Variants in TNFSF9 observed in about 807,000 individuals in gnomAD.
TNFSF9 encodes TNF superfamily member 9, also known as tumor necrosis factor ligand superfamily member 9.
A neutral mutation model predicts 10.3 loss-of-function variants in TNFSF9; 10 were observed. The ratio of observed to expected loss-of-function variants is 0.97; its 90% confidence interval spans 0.60 to 1.65. TNFSF9 has a LOEUF of 1.65. TNFSF9 is among the 40% of genes most tolerant of loss of function. The pLI is 0.00. For missense variants in TNFSF9, 361 were observed against 348.9 expected (o/e 1.03, Z -0.28); for synonymous variants, 195 against 176.1 (o/e 1.11, Z -0.85).
At position 6,535,144 on chromosome 19, in the gene TNFSF9, C is replaced by A; in HGVS notation, c.*78C>A. 1 of 1,402,702 alleles carries A rather than the reference C, an allele frequency of 7.1e-7. No individual in the cohort carries two copies. The highest frequency in any genetic ancestry group is 1.5e-5 in the South Asian group (1 of 65,954). The allele number at this position is 1,402,702 out of a possible 1,614,324, so 86.9% of individuals were successfully genotyped here. Reference sequence around the variant, plus strand: ...TTCATGGAGACCCCTGGTGCTGGGTCCCTGCTGCTTTCTCTACCTCAAGGG... The same window carrying A: ...TTCATGGAGACCCCTGGTGCTGGGTACCTGCTGCTTTCTCTACCTCAAGGG... On this transcript the variant is annotated 3_prime_UTR_variant, in exon 3 of 3. Transcript: ENST00000245817.
Position 6,535,898 on chromosome 19 carries a change from T to G in TNFSF9, c.*832T>G. ...AAGGTTGTTTACATGCCAGTACAAT[T>G]TATAATAAACACTCATTTTTCCTCC... is the stretch of plus-strand genomic sequence containing the variant. On this transcript the variant is annotated 3_prime_UTR_variant, in exon 3 of 3. Transcript: ENST00000245817. The G allele has an allele frequency of 6.6e-6, 1 of 152,156 alleles. No homozygotes were observed. The highest frequency in any genetic ancestry group is 2.1e-4 in the South Asian group (1 of 4,824). 9.4% of individuals were successfully genotyped at this position (152,156 alleles called of 1,614,324 possible).
intron 1 of TNFSF9, 33 bp from the exon 2 acceptor site, chr19:6,532,753 C>T: frequency 6.2e-7 from 1 of 1,613,716 alleles, no homozygotes; most frequent in Non-Finnish European, 8.5e-7. Context: ...TAGGGGAACC[C>T]CCATCCACTT....
chr19:6,534,133 G>A (rs1315159093), intron 2 of TNFSF9, among the ~76,000 whole-genome samples: 3 of 62,098 alleles, frequency 4.8e-5, no homozygotes, highest in Non-Finnish European at 6.3e-5. Context: ...CCCCCTCACC[G>A]CCCTCTCCAG....
Position 6,531,068 on chromosome 19 carries a change from C to G in TNFSF9, c.32C>G (p.Pro11Arg). Residue 11 changes from proline (P) to arginine (R), a missense_variant, in exon 1 of 3, where the codon CCC becomes CGC. Transcript: ENST00000245817. MEYASDASLD[P>R]EAPWPPAPRA... ...TACGCCTCTGACGCTTCACTGGACC[C>G]CGAAGCCCCGTGGCCTCCCGCGCCC... The G allele has an allele frequency of 1.2e-6, 2 of 1,611,204 alleles. No individual in the cohort carries two copies. The highest frequency in any genetic ancestry group is 1.7e-6 in the Non-Finnish European group (2 of 1,179,124).
chr19:6,534,995 G>C lies in TNFSF9; in HGVS notation c.694G>C (p.Ala232Pro). 1 of 1,609,718 alleles carries C rather than the reference G, an allele frequency of 6.2e-7. No individual in the cohort carries two copies. Among genetic ancestry groups the C allele is most frequent in the South Asian group, 1.1e-5 (1 of 90,788 alleles). Residue 232 changes from alanine (A) to proline (P), a missense_variant, in exon 3 of 3, where the codon GCC becomes CCC. Physicochemically the swap from Ala to Pro is conservative, Grantham distance 27. Transcript: ENST00000245817. Reference protein sequence around the residue: ...ARHAWQLTQGATVLGLFRVTP... With the variant: ...ARHAWQLTQGPTVLGLFRVTP... ...CCATGCCTGGCAGCTTACCCAGGGC[G>C]CCACAGTCTTGGGACTCTTCCGGGT... is the stretch of plus-strand genomic sequence containing the variant.
Position 6,534,859 on chromosome 19 carries a change from A to ACCCGCCT in TNFSF9, c.561_567dup (p.Ser190ArgfsTer32). Reference sequence around the variant, plus strand: ...CCCTGGCTTTGACCGTGGACCTGCCACCCGCCTCCTCCGAGGCTCGGAACT... The same window carrying ACCCGCCT: ...CCCTGGCTTTGACCGTGGACCTGCCACCCGCCTCCCGCCTCCTCCGAGGCTCGGAACT... On this transcript the variant is annotated frameshift_variant, in exon 3 of 3. Coordinates refer to ENST00000245817, the MANE Select transcript of TNFSF9 (RefSeq NM_003811.4). LOFTEE classifies it low-confidence loss of function (END_TRUNC). 6.2e-7 allele frequency: 1 copy of ACCCGCCT among 1,606,352 alleles called. No individual in the cohort carries two copies. Among genetic ancestry groups the ACCCGCCT allele is most frequent in the Non-Finnish European group, 8.5e-7 (1 of 1,178,528 alleles).
chr19:6,535,192 T>C lies in TNFSF9; in HGVS notation c.*126T>C. On this transcript the variant is annotated 3_prime_UTR_variant, in exon 3 of 3. Coordinates refer to ENST00000245817, the MANE Select transcript of TNFSF9 (RefSeq NM_003811.4). ...GGGGCTTGGCAGGGGTCCCTGCTGC[T>C]GACCTCCCCTTGAGGACCCTCCTCA... The C allele has an allele frequency of 9.4e-7, 1 of 1,066,476 alleles. No homozygotes were observed. The highest frequency in any genetic ancestry group is 1.3e-6 in the Non-Finnish European group (1 of 777,290). 66.1% of individuals were successfully genotyped at this position (1,066,476 alleles called of 1,614,324 possible).
chr19:6,534,859 A>AC lies in TNFSF9; in HGVS notation c.561dup (p.Ala188ArgfsTer32). 1 of 1,606,352 alleles carries AC rather than the reference A, an allele frequency of 6.2e-7. No individual in the cohort carries two copies. The highest frequency in any genetic ancestry group is 8.5e-7 in the Non-Finnish European group (1 of 1,178,528). ...CCCTGGCTTTGACCGTGGACCTGCC[A>AC]CCCGCCTCCTCCGAGGCTCGGAACT... is the stretch of plus-strand genomic sequence containing the variant. On this transcript the variant is annotated frameshift_variant, in exon 3 of 3. Coordinates refer to ENST00000245817, the MANE Select transcript of TNFSF9 (RefSeq NM_003811.4). LOFTEE classifies it low-confidence loss of function (END_TRUNC).
In TNFSF9 at chr19:6,535,538, G is replaced by A. The variant is rs1915248997; in HGVS notation, c.*472G>A. On this transcript the variant is annotated 3_prime_UTR_variant, in exon 3 of 3. Coordinates refer to ENST00000245817, the MANE Select transcript of TNFSF9 (RefSeq NM_003811.4). ...ATGTGCCAGCATTGTGCCCAGGCTA[G>A]GGGGCTATAGAAACATCTAGAAATA... 6.6e-6 allele frequency: 1 copy of A among 152,094 alleles called. No individual in the cohort carries two copies. Among genetic ancestry groups the A allele is most frequent in the African/African-American group, 2.4e-5 (1 of 41,412 alleles). 9.4% of individuals were successfully genotyped at this position (152,094 alleles called of 1,614,324 possible).
At chr19:6,533,026 C>A (rs1032470892) in intron 2 of TNFSF9, among the ~76,000 whole-genome samples, 2 of 152,002 alleles carry the variant, frequency 1.3e-5, no homozygotes, top group African/African-American at 4.8e-5. Context: ...ATGGCCTCCC[C>A]ATCAGACCCC....
At chr19:6,533,162 T>C (rs1915184507) in intron 2 of TNFSF9, among the ~76,000 whole-genome samples, 1 of 151,004 alleles carries the variant, frequency 6.6e-6, no homozygotes, top group African/African-American at 2.4e-5. Flanking sequence ...TTTTCTTCCC[T>C]CTTTCCTGCC....
intron 1 of TNFSF9, among the ~76,000 whole-genome samples, chr19:6,532,153 CCCTTT>C (rs1452580718): frequency 1.3e-5 from 2 of 152,210 alleles, no homozygotes; most frequent in Non-Finnish European, 2.9e-5. Flanking sequence ...GTACCCCTCT[CCCTTT>C]CAAGACCCCC....
In TNFSF9 at chr19:6,534,664, G is replaced by T; in HGVS notation, c.363G>T (p.Thr121=). The T allele has an allele frequency of 1.3e-6, 2 of 1,590,496 alleles. No individual in the cohort carries two copies. Among genetic ancestry groups the T allele is most frequent in the East Asian group, 2.3e-5 (1 of 43,548 alleles). ...SDPGLAGVSL[T]GGLSYKEDTK... ...CAGGCCTGGCAGGCGTGTCCCTGAC[G>T]GGGGGCCTGAGCTACAAAGAGGACA... The change falls in exon 3 of 3, where the codon ACG becomes ACT. Residue 121 remains threonine (T), a synonymous_variant. Transcript: ENST00000245817.
At chr19:6,534,403 A>T (rs1599430003) in intron 2 of TNFSF9, among the ~76,000 whole-genome samples, 197 bp from the exon 3 acceptor site, 1 of 90,206 alleles carries the variant, frequency 1.1e-5, no homozygotes. Context: ...CTCTTCAATC[A>T]GCACCCCCCC....
intron 2 of TNFSF9, 47 bp downstream of exon 2, chr19:6,532,863 A>G (rs753740286): frequency 3.1e-6 from 5 of 1,611,190 alleles, no homozygotes; most frequent in African/African-American, 2.7e-5. Flanking sequence ...CACCATCCCC[A>G]CCCCGGGATA....
Position 6,535,843 on chromosome 19 carries a change from T to C in TNFSF9, c.*777T>C, listed in dbSNP as rs1915253152. On this transcript the variant is annotated 3_prime_UTR_variant, in exon 3 of 3. Coordinates refer to ENST00000245817, the MANE Select transcript of TNFSF9 (RefSeq NM_003811.4). ...ACCACACTTGGCTAACTTTTTAATT[T>C]TTTTGCGGAGACGGTATTGCTATGT... The C allele has an allele frequency of 6.6e-6, 1 of 152,144 alleles. No individual in the cohort carries two copies. The highest frequency in any genetic ancestry group is 2.1e-4 in the South Asian group (1 of 4,818). 9.4% of individuals were successfully genotyped at this position (152,144 alleles called of 1,614,324 possible).
rs1915235925 is a variant in TNFSF9, at chr19:6,534,914, C to T, written c.613C>T (p.His205Tyr). The change falls in exon 3 of 3, where the codon CAC becomes TAC. Residue 205 changes from histidine (H) to tyrosine (Y), a missense_variant. Transcript: ENST00000245817. Reference sequence around the variant, plus strand: ...CTTCGGTTTCCAGGGCCGCTTGCTGCACCTGAGTGCCGGCCAGCGCCTGGG... The same window carrying T: ...CTTCGGTTTCCAGGGCCGCTTGCTGTACCTGAGTGCCGGCCAGCGCCTGGG... ...SAFGFQGRLL[H>Y]LSAGQRLGVH... The T allele has an allele frequency of 6.2e-7, 1 of 1,609,022 alleles. No individual in the cohort carries two copies. The highest frequency in any genetic ancestry group is 1.3e-5 in the African/African-American group (1 of 74,930).
At chr19:6,532,645 T>C (rs1298540138) in intron 1 of TNFSF9, 141 bp from the exon 2 acceptor site, 6 of 1,109,138 alleles carry the variant, frequency 5.4e-6, no homozygotes, top group Non-Finnish European at 8.1e-6. Context: ...GCGGTCTCTG[T>C]TCTTTAGTTG....
At chr19:6,532,506 T>TGTTTGC (rs1176379469) in intron 1 of TNFSF9, among the ~76,000 whole-genome samples, 5 of 151,352 alleles carry the variant, frequency 3.3e-5, no homozygotes, top group Non-Finnish European at 7.4e-5. Flanking sequence ...TGGGTGTTTG[T>TGTTTGC]GTGTGTTTGT....
Sources: allele counts gnomAD v4.1 joint callset (sites outside exome capture counted in the v4.1 genomes callset), GRCh38; gene constraint gnomAD v4.1.1; transcripts MANE v1.5; gene names NCBI Gene and HGNC (gene_info 2026-07-23, HGNC 2026-07-21).